ASTN2: variants seen among roughly 807,000 people sequenced by gnomAD.
The protein encoded by ASTN2 is astrotactin-2.
Under a neutral mutation model 139.8 loss-of-function variants are expected in ASTN2, and 54 were observed. That is an observed-to-expected ratio of 0.39 (90% CI 0.31 to 0.48). The LOEUF (loss-of-function observed/expected upper bound fraction) is 0.48, where lower values mean the gene tolerates loss of function less well. Among genes scored for constraint, ASTN2 ranks in the 20% least tolerant of loss-of-function variants. ASTN2 has a pLI of 0.95. For missense variants in ASTN2, 1,565 were observed against 1,725.1 expected, an observed-to-expected ratio of 0.91 and a Z score of 1.64; for synonymous variants, 756 against 719.5, an observed-to-expected ratio of 1.05 and a Z score of -0.81.
At chr9:117,210,778 C>A (rs1052515785) in intron 3 of ASTN2, among the ~76,000 whole-genome samples, 4 of 152,028 alleles carry the variant, frequency 2.6e-5, no homozygotes, top group African/African-American at 9.7e-5. Flanking sequence ...AGGTCAATAT[C>A]CCTGATGAAA....
intron 1 of ASTN2, among the ~76,000 whole-genome samples, chr9:117,358,261 GACAC>G (rs67475291): frequency 0.045 from 6,597 of 146,506 alleles, 266 homozygotes; most frequent in African/African-American, 0.11. Flanking sequence ...TACATGTGCA[GACAC>G]ACACACACAC....
intron 1 of ASTN2, among the ~76,000 whole-genome samples, chr9:117,338,309 C>A (rs1050719702): frequency 6.6e-6 from 1 of 151,958 alleles, no homozygotes; most frequent in Non-Finnish European, 1.5e-5. Context: ...CCTTTTAATC[C>A]CCCAAATAAA....
intron 20 of ASTN2, among the ~76,000 whole-genome samples, chr9:116,460,426 C>G (rs923850692): frequency 2.0e-5 from 3 of 152,064 alleles, no homozygotes; most frequent in Admixed American, 2.0e-4. Context: ...GTCAAACAAA[C>G]AGAAAAACCA....
At chr9:117,291,285 C>T in intron 2 of ASTN2, 41 bp downstream of exon 2, 4 of 1,608,012 alleles carry the variant, frequency 2.5e-6, no homozygotes, top group South Asian at 1.1e-5. Flanking sequence ...ATTCCTCCCC[C>T]ACGCAATCCC....
At chr9:116,455,011 C>T (rs565018742) in intron 20 of ASTN2, among the ~76,000 whole-genome samples, 26 of 151,344 alleles carry the variant, frequency 1.7e-4, no homozygotes, top group African/African-American at 6.3e-4. Context: ...ACATTGTGCA[C>T]ATGTACCCTA....
Position 116,651,604 on chromosome 9 carries a change from C to T in ASTN2, c.2996G>A (p.Ser999Asn), listed in dbSNP as rs1408143713. 3 of 1,614,176 alleles carry T rather than the reference C, an allele frequency of 1.9e-6. No homozygotes were observed. Among genetic ancestry groups the T allele is most frequent in the South Asian group, 1.1e-5 (1 of 91,082 alleles). ...LCRRPGKEQL[S>N]PTPVLLEINR... ...GATTTCCAGCAGCACTGGTGTGGGG[C>T]TCAGCTGCTCCTTGCCTGGCCGGCG... Residue 999 changes from serine to asparagine, a missense_variant, in exon 17 of 23, where the codon AGC (serine) becomes AAC (asparagine). By Grantham distance (46) the Ser-to-Asn change is conservative. Coordinates refer to ENST00000313400, the MANE Select transcript of ASTN2 (RefSeq NM_001365068.1).
chr9:116,740,021 T>C (rs1829055822), intron 13 of ASTN2, among the ~76,000 whole-genome samples: 1 of 152,218 alleles, frequency 6.6e-6, no homozygotes, highest in African/African-American at 2.4e-5. Context: ...AGTGCATACA[T>C]ACTCTGGCTC....
At chr9:116,708,709 A>G (rs1828061342) in intron 16 of ASTN2, among the ~76,000 whole-genome samples, 1 of 152,224 alleles carries the variant, frequency 6.6e-6, no homozygotes, top group Non-Finnish European at 1.5e-5. Context: ...GCTGAGGGCC[A>G]TTCTATCCCT....
At chr9:116,426,210 T>G in intron 22 of ASTN2, 122 bp from the exon 23 acceptor site, 1 of 1,267,268 alleles carries the variant, frequency 7.9e-7, no homozygotes, top group Non-Finnish European at 1.1e-6. Context: ...CTACTCCAGA[T>G]TGGAGTGTGG....
At chr9:116,948,799 T>TG (rs1564355686) in intron 10 of ASTN2, among the ~76,000 whole-genome samples, 1 of 127,072 alleles carries the variant, frequency 7.9e-6, no homozygotes, top group African/African-American at 3.1e-5. Context: ...TTTTTTTTTT[T>TG]TTTTTTTTTT....
chr9:116,632,252 G>GGAAAGAAAGAAAGAAAGAAAGAAA (rs1170260019), intron 17 of ASTN2, among the ~76,000 whole-genome samples: 814 of 70,650 alleles, frequency 0.012, 12 homozygotes, highest in Middle Eastern at 0.041. Flanking sequence ...AAAGAAAGAA[G>GGAAAGAAAGAAAGAAAGAAAGAAA]GAAAGAAAGA....
intron 11 of ASTN2, among the ~76,000 whole-genome samples, chr9:116,859,046 T>G (rs1475901373): frequency 6.6e-6 from 1 of 152,218 alleles, no homozygotes; most frequent in Non-Finnish European, 1.5e-5. Flanking sequence ...TTCCAGCTTC[T>G]AAACACCACT....
intron 11 of ASTN2, among the ~76,000 whole-genome samples, chr9:116,824,683 TTTTTG>T (rs1303034466): frequency 1.3e-5 from 2 of 152,256 alleles, no homozygotes; most frequent in East Asian, 1.9e-4. Context: ...TAATAAATAC[TTTTTG>T]TTTTAAGTGA....
chr9:116,466,317 A>C (rs548791073), intron 20 of ASTN2, among the ~76,000 whole-genome samples: 3 of 152,282 alleles, frequency 2.0e-5, no homozygotes, highest in East Asian at 3.9e-4. Flanking sequence ...GCATTAAGGC[A>C]CTTCAGATCT....
chr9:117,154,513 G>A (rs1029478884), intron 3 of ASTN2, among the ~76,000 whole-genome samples: 1 of 152,020 alleles, frequency 6.6e-6, no homozygotes, highest in African/African-American at 2.4e-5. Flanking sequence ...GCCTCTCTCA[G>A]CCTCAGGAAA....
Position 116,466,972 on chromosome 9 carries a change from T to C in ASTN2, c.3497+20387A>G, listed in dbSNP as rs900875633. 3.3e-5 allele frequency among the ~76,000 whole-genome samples: 5 copies of C among 152,270 alleles called. No individual in the cohort carries two copies. The East Asian group carries it at 7.7e-4, about 24-fold the overall frequency. On this transcript the variant is annotated intron_variant, in intron 20 of 22. Coordinates refer to ENST00000313400, the MANE Select transcript of ASTN2 (RefSeq NM_001365068.1). ...ATGGTACCTATAGCCACTGACGAAC[T>C]ATTTCTGCAGTTCTCAATGTGGTTT...
chr9:116,518,791 G>T (rs1850754382), intron 19 of ASTN2, among the ~76,000 whole-genome samples: 2 of 151,448 alleles, frequency 1.3e-5, no homozygotes, highest in African/African-American at 2.4e-5. Flanking sequence ...ACACATAAAT[G>T]TAATTTAAAG....
At chr9:117,324,322 G>C (rs560351377) in intron 1 of ASTN2, among the ~76,000 whole-genome samples, 1 of 152,160 alleles carries the variant, frequency 6.6e-6, no homozygotes, top group Admixed American at 6.5e-5. Context: ...AAGATATTAC[G>C]TGAGACTGGG....
intron 1 of ASTN2, among the ~76,000 whole-genome samples, chr9:117,340,262 G>A (rs1441980064): frequency 6.7e-6 from 1 of 149,020 alleles, no homozygotes; most frequent in African/African-American, 2.5e-5. Context: ...AACTGGGAAG[G>A]CGGAGGTTGT....
Sources: allele counts gnomAD v4.1 joint callset (sites outside exome capture counted in the v4.1 genomes callset), GRCh38; gene constraint gnomAD v4.1.1; transcripts MANE v1.5; gene names NCBI Gene and HGNC (gene_info 2026-07-23, HGNC 2026-07-21).